Variants in CREBBP observed in about 807,000 individuals in gnomAD.
The protein encoded by CREBBP is CREB binding lysine acetyltransferase.
CREBBP carries 19 observed loss-of-function variants against 265.0 expected under a neutral mutation model. The ratio of observed to expected loss-of-function variants is 0.07; its 90% CI spans 0.05 to 0.11. The LOEUF (loss-of-function observed/expected upper bound fraction) is 0.11. Among genes scored for constraint, CREBBP ranks in the 10% least tolerant of loss-of-function variants. The pLI, the probability that CREBBP is intolerant of heterozygous loss-of-function variation, is 1.00. For missense variants in CREBBP, 2,525 were observed against 3,219.0 expected (o/e 0.78, Z 5.22); for synonymous variants, 1,457 against 1,223.7 (o/e 1.19, Z -3.98).
chr16:3,780,876 G>T lies in CREBBP; in HGVS notation c.1679C>A (p.Pro560Gln), dbSNP rs1227941220. 6.2e-7 allele frequency: 1 copy of T among 1,613,268 alleles called. No homozygotes were observed. Among genetic ancestry groups the T allele is most frequent in the Admixed American group, 1.7e-5 (1 of 60,020 alleles). ...ALPTSLGATNPLMNDGSNSGN... is the reference protein window; with the variant it reads ...ALPTSLGATNQLMNDGSNSGN... ...AGAGTTGGAGCCATCGTTCATCAGT[G>T]GGCTAAGGAGGAAATAAAGACACTT... Residue 560 changes from proline (P) to glutamine (Q), a missense_variant and splice_region_variant, in exon 8 of 31, where the codon CCA becomes CAA. Transcript: ENST00000262367.
intron 1 of CREBBP, among the ~76,000 whole-genome samples, chr16:3,866,537 A>G (rs1024827642): frequency 2.0e-5 from 3 of 152,224 alleles, no homozygotes; most frequent in Admixed American, 6.5e-5. Context: ...TCTTAATCAC[A>G]AATATAAAAA....
At chr16:3,844,388 T>C (rs2054624805) in intron 2 of CREBBP, among the ~76,000 whole-genome samples, 1 of 152,138 alleles carries the variant, frequency 6.6e-6, no homozygotes, top group Non-Finnish European at 1.5e-5. Flanking sequence ...ATCTGTCACA[T>C]AAATAAATGG....
chr16:3,746,755 G>T lies in CREBBP; in HGVS notation c.3837-1401C>A, dbSNP rs115215832. Among the ~76,000 whole-genome samples, 995 of 152,120 alleles carry T rather than the reference G, an allele frequency of 6.5e-3. 13 individuals are homozygous for T. Among genetic ancestry groups the T allele is most frequent in the African/African-American group, 0.023 (940 of 41,470 alleles). On this transcript the variant is annotated intron_variant, in intron 21 of 30. Transcript: ENST00000262367. ...TTACTGGGAGTTTGAGACCAGCCTG[G>T]GTAAAATAGGGAGACCCCATTTCTA... is the stretch of plus-strand genomic sequence containing the variant.
chr16:3,791,469 G>A (rs763594595), intron 5 of CREBBP, among the ~76,000 whole-genome samples: 1 of 152,160 alleles, frequency 6.6e-6, no homozygotes, highest in Non-Finnish European at 1.5e-5. Flanking sequence ...ATAGCTCCAC[G>A]TAGAGGGAAA....
intron 2 of CREBBP, among the ~76,000 whole-genome samples, chr16:3,846,247 A>G (rs1348600980): frequency 6.6e-6 from 1 of 152,256 alleles, no homozygotes; most frequent in Non-Finnish European, 1.5e-5. Context: ...ACCTTATGAA[A>G]AGACACACTT....
chr16:3,783,599 TTGAC>T (rs1310612962), intron 5 of CREBBP, among the ~76,000 whole-genome samples: 44 of 152,354 alleles, frequency 2.9e-4, no homozygotes, highest in East Asian at 7.7e-4. Context: ...ACTTGATTGA[TTGAC>T]TGACTGAGCT....
intron 1 of CREBBP, among the ~76,000 whole-genome samples, chr16:3,860,423 T>C (rs1232851198): frequency 1.3e-5 from 2 of 152,114 alleles, no homozygotes; most frequent in Non-Finnish European, 1.5e-5. Flanking sequence ...TGGCTCACTG[T>C]AGCCTCAAAC....
At chr16:3,839,731 G>T (rs1364088334) in intron 2 of CREBBP, among the ~76,000 whole-genome samples, 1 of 127,990 alleles carries the variant, frequency 7.8e-6, no homozygotes, top group African/African-American at 2.9e-5. Flanking sequence ...AGGGGGAGGG[G>T]GAGGGAAGGG....
intron 28 of CREBBP, 115 bp downstream of exon 28, chr16:3,735,921 G>T: frequency 6.4e-7 from 1 of 1,552,564 alleles, no homozygotes; most frequent in Non-Finnish European, 8.9e-7. Flanking sequence ...ACGTGCATGT[G>T]TGAACGGAGA....
chr16:3,824,533 G>A (rs574003722), intron 2 of CREBBP, among the ~76,000 whole-genome samples: 10 of 152,326 alleles, frequency 6.6e-5, no homozygotes, highest in African/African-American at 2.2e-4. Context: ...TGTCTCAGAA[G>A]AGCATCACTC....
At chr16:3,868,857 C>T (rs2055234386) in intron 1 of CREBBP, among the ~76,000 whole-genome samples, 1 of 152,194 alleles carries the variant, frequency 6.6e-6, no homozygotes. Flanking sequence ...CAGCAGGGTG[C>T]CCCACACGTA....
intron 2 of CREBBP, among the ~76,000 whole-genome samples, chr16:3,849,200 G>T (rs1311553300): frequency 7.6e-6 from 1 of 131,748 alleles, no homozygotes; most frequent in East Asian, 2.3e-4. Flanking sequence ...ACTTCAGTGG[G>T]AATAGGCTGC....
chr16:3,772,466 G>A (rs1307277022), intron 13 of CREBBP, among the ~76,000 whole-genome samples: 1 of 151,912 alleles, frequency 6.6e-6, no homozygotes, highest in Non-Finnish European at 1.5e-5. Context: ...CTGAATCACT[G>A]TTCTAGAGCA....
rs754282387 is a variant in CREBBP, at chr16:3,729,113, G to A, written c.5934C>T (p.Asn1978=). 324 of 1,581,104 alleles carry A rather than the reference G, an allele frequency of 2.0e-4. 3 individuals carry two copies. Among genetic ancestry groups the A allele is most frequent in the Non-Finnish European group, 3.9e-5 (46 of 1,169,800 alleles). Residue 1978 remains asparagine (N), a synonymous_variant, in exon 31 of 31, where the codon AAC becomes AAT. Transcript: ENST00000262367. ...QQQHLYRVNI[N]NSMPPGRTGM... is the part of the protein sequence containing the mutation. ...CCGTGCGTCCTGGGGGCATGCTGTT[G>A]TTGATGTTCACCCGGTACAGGTGCT...
intron 28 of CREBBP, among the ~76,000 whole-genome samples, chr16:3,733,830 C>T (rs572510011): frequency 5.3e-5 from 8 of 151,868 alleles, no homozygotes; most frequent in Non-Finnish European, 7.4e-5. Flanking sequence ...TTAGTAGAGA[C>T]GGGGTTTCAC....
chr16:3,791,444 A>G (rs2053505047), intron 5 of CREBBP, among the ~76,000 whole-genome samples: 2 of 152,148 alleles, frequency 1.3e-5, no homozygotes, highest in South Asian at 4.1e-4. Flanking sequence ...AGTTATACAA[A>G]GAGTTCTGGG....
At chr16:3,877,696 C>T (rs1050003689) in intron 1 of CREBBP, among the ~76,000 whole-genome samples, 2 of 152,240 alleles carry the variant, frequency 1.3e-5, no homozygotes, top group Admixed American at 6.5e-5. Flanking sequence ...TGAGCCATGG[C>T]GCCCAGCAGC....
chr16:3,842,601 T>C (rs1224222621), intron 2 of CREBBP, among the ~76,000 whole-genome samples: 1 of 152,162 alleles, frequency 6.6e-6, no homozygotes, highest in African/African-American at 2.4e-5. Flanking sequence ...TCATGTATTG[T>C]TAATATTGCC....
chr16:3,784,915 AC>A (rs2053352000), intron 5 of CREBBP, among the ~76,000 whole-genome samples: 1 of 152,208 alleles, frequency 6.6e-6, no homozygotes, highest in African/African-American at 2.4e-5. Flanking sequence ...CATTTTCTAA[AC>A]GTAAACATTA....
Sources: allele counts gnomAD v4.1 joint callset (sites outside exome capture counted in the v4.1 genomes callset), GRCh38; gene constraint gnomAD v4.1.1; transcripts MANE v1.5; gene names NCBI Gene and HGNC (gene_info 2026-07-23, HGNC 2026-07-21).